GSK3B: variants seen among roughly 807,000 people sequenced by gnomAD.
GSK3B encodes the protein glycogen synthase kinase 3 beta.
In GSK3B, 15 loss-of-function variants were observed where a neutral mutation model predicts 56.4. That is an observed-to-expected ratio of 0.27 (90% confidence interval 0.18 to 0.41). The LOEUF is 0.41. Among genes scored for constraint, GSK3B ranks in the 10% least tolerant of loss-of-function variants. The pLI is 1.00. For missense variants in GSK3B, 300 were observed against 513.4 expected, an observed-to-expected ratio of 0.58 and a Z score of 4.02; for synonymous variants, 181 against 188.9, an observed-to-expected ratio of 0.96 and a Z score of 0.34.
rs890397598 is a variant in GSK3B at position 119,825,703 on chromosome 3, G to A, written c.*1085C>T. On this transcript the variant is annotated 3_prime_UTR_variant, in exon 11 of 11. Coordinates refer to ENST00000264235, the MANE Select transcript of GSK3B (RefSeq NM_001146156.2). ...TTTGGATTTAAAATTAGAACTATGTGTAGAATGTGGCTATTTCTGCAAGCT... is the reference window on the plus strand; with the variant it reads ...TTTGGATTTAAAATTAGAACTATGTATAGAATGTGGCTATTTCTGCAAGCT... 1 of 225,328 alleles carries A rather than the reference G, an allele frequency of 4.4e-6. No individual in the cohort carries two copies. The highest frequency in any genetic ancestry group is 5.7e-5 in the Admixed American group (1 of 17,476). 14.0% of individuals were successfully genotyped at this position (225,328 alleles called of 1,614,324 possible). A position where few individuals can be genotyped will look rare whatever the true frequency, so the allele number is the denominator to read the frequency against.
rs1559796999 is a variant in GSK3B at position 119,825,591 on chromosome 3, T to C, written c.*1197A>G. On this transcript the variant is annotated 3_prime_UTR_variant, in exon 11 of 11. Coordinates refer to ENST00000264235, the MANE Select transcript of GSK3B (RefSeq NM_001146156.2). ...GTGACTGTATCATTCTGATGTGTAG[T>C]TTTTAATATTTCTACCATCTGACAT... 2 of 228,468 alleles carry C rather than the reference T, an allele frequency of 8.8e-6. No individual in the cohort carries two copies. Among genetic ancestry groups the C allele is most frequent in the Non-Finnish European group, 1.7e-5 (2 of 115,284 alleles). 14.2% of individuals were successfully genotyped at this position (228,468 alleles called of 1,614,324 possible).
intron 2 of GSK3B, among the ~76,000 whole-genome samples, chr3:119,994,648 A>G (rs898445399): frequency 3.9e-5 from 6 of 152,208 alleles, no homozygotes; most frequent in Admixed American, 3.9e-4. Context: ...CATTTCAATG[A>G]CATTCTTTCC....
At chr3:119,949,790 T>C (rs1576222672) in intron 2 of GSK3B, among the ~76,000 whole-genome samples, 2 of 95,556 alleles carry the variant, frequency 2.1e-5, no homozygotes. Context: ...CAAGACTCCG[T>C]CTCAAAAAAA....
chr3:119,848,568 C>T (rs1305613985), intron 9 of GSK3B, among the ~76,000 whole-genome samples: 3 of 152,108 alleles, frequency 2.0e-5, no homozygotes, highest in Admixed American at 2.0e-4. Flanking sequence ...AAGGGAAACA[C>T]CAAACTCGCA....
At chr3:120,051,494 C>T (rs1413018818) in intron 1 of GSK3B, among the ~76,000 whole-genome samples, 1 of 152,096 alleles carries the variant, frequency 6.6e-6, no homozygotes, top group Middle Eastern at 3.2e-3. Context: ...GGGTCAGGCG[C>T]GGTGGCTCAC....
At chr3:119,924,145 C>T (rs2056869253) in intron 3 of GSK3B, among the ~76,000 whole-genome samples, 1 of 152,216 alleles carries the variant, frequency 6.6e-6, no homozygotes, top group African/African-American at 2.4e-5. Flanking sequence ...AGGTCCTATG[C>T]TTAAATATCC....
At chr3:119,954,558 T>C (rs1169001642) in intron 2 of GSK3B, among the ~76,000 whole-genome samples, 1 of 152,164 alleles carries the variant, frequency 6.6e-6, no homozygotes, top group Admixed American at 6.5e-5. Flanking sequence ...GACAAAAGAA[T>C]ACATGTAAAC....
intron 3 of GSK3B, among the ~76,000 whole-genome samples, chr3:119,929,153 G>C (rs2056918868): frequency 6.6e-6 from 1 of 152,068 alleles, no homozygotes; most frequent in Non-Finnish European, 1.5e-5. Context: ...AAAAAATGCA[G>C]AGATCAATAT....
intron 1 of GSK3B, among the ~76,000 whole-genome samples, chr3:120,003,424 T>A (rs1049789451): frequency 6.6e-6 from 1 of 152,254 alleles, no homozygotes; most frequent in Admixed American, 6.5e-5. Context: ...AAATGTCTAC[T>A]GTTTCTTCTC....
chr3:120,002,239 C>A lies in GSK3B; in HGVS notation c.89G>T (p.Arg30Ile). Residue 30 changes from arginine to isoleucine, a missense_variant and splice_region_variant, in exon 2 of 11, where the codon AGA becomes ATA. Transcript: ENST00000264235. ...TGTCACCTTGCTGCCGTCCTTGTCT[C>A]CTAAAGGAAGAAAGGAAATTTTTTT... ...PSAFGSMKVS[R>I]DKDGSKVTTV... is the part of the protein sequence containing the mutation. 1 of 1,514,124 alleles carries A rather than the reference C, an allele frequency of 6.6e-7. No homozygotes were observed. The highest frequency in any genetic ancestry group is 8.8e-7 in the Non-Finnish European group (1 of 1,135,128). 93.8% of individuals were successfully genotyped at this position (1,514,124 alleles called of 1,614,324 possible).
At chr3:120,014,689 T>G (rs1033161110) in intron 1 of GSK3B, among the ~76,000 whole-genome samples, 3 of 152,148 alleles carry the variant, frequency 2.0e-5, no homozygotes, top group Non-Finnish European at 4.4e-5. Context: ...CATCTTCACA[T>G]GATTCTAACC....
intron 10 of GSK3B, among the ~76,000 whole-genome samples, chr3:119,831,207 G>C (rs1213476353): frequency 1.3e-5 from 2 of 152,142 alleles, no homozygotes; most frequent in Non-Finnish European, 2.9e-5. Context: ...CAAGGGAGGA[G>C]AATAATCCAT....
At chr3:120,044,827 A>G (rs2058090145) in intron 1 of GSK3B, among the ~76,000 whole-genome samples, 1 of 152,252 alleles carries the variant, frequency 6.6e-6, no homozygotes, top group Non-Finnish European at 1.5e-5. Flanking sequence ...AGTTTGTATT[A>G]TAATGAAAAC....
chr3:119,854,872 T>G (rs2055994060), intron 9 of GSK3B, among the ~76,000 whole-genome samples: 1 of 152,216 alleles, frequency 6.6e-6, no homozygotes. Context: ...AAAAACCAGC[T>G]CCTGGATTCA....
chr3:120,014,122 G>C (rs2057803633), intron 1 of GSK3B, among the ~76,000 whole-genome samples: 1 of 138,060 alleles, frequency 7.2e-6, no homozygotes, highest in African/African-American at 2.8e-5. Flanking sequence ...GAGACAGAGT[G>C]AGACTCTGTC....
chr3:120,020,013 AACTTTTAGAATGCAAT>A (rs1228764027), intron 1 of GSK3B, among the ~76,000 whole-genome samples: 2 of 152,244 alleles, frequency 1.3e-5, no homozygotes, highest in African/African-American at 4.8e-5. Context: ...ATAGTTTATG[AACTTTTAGAATGCAAT>A]CTGTTTATCA....
intron 1 of GSK3B, among the ~76,000 whole-genome samples, chr3:120,069,610 G>A (rs1365090912): frequency 3.3e-5 from 5 of 150,964 alleles, no homozygotes; most frequent in South Asian, 2.1e-4. Flanking sequence ...AATACCTAAC[G>A]GTCAATACAA....
At position 119,926,467 on chromosome 3, in the gene GSK3B, G is replaced by A. The variant is rs543455655; in HGVS notation, c.367-2984C>T. On this transcript the variant is annotated intron_variant, in intron 3 of 10. Transcript: ENST00000264235. ...CATCATCTTCACTGGTAGAACCCTCGTCCAAGCTACTATCACCTTTCACGT... is the reference window on the plus strand; with the variant it reads ...CATCATCTTCACTGGTAGAACCCTCATCCAAGCTACTATCACCTTTCACGT... Among the ~76,000 whole-genome samples the A allele has an allele frequency of 3.3e-5, 5 of 152,040 alleles. No homozygotes were observed. The East Asian group carries it at 5.8e-4, about 18-fold the overall frequency.
chr3:119,950,040 AC>A (rs2057141579), intron 2 of GSK3B, among the ~76,000 whole-genome samples: 1 of 152,162 alleles, frequency 6.6e-6, no homozygotes, highest in Non-Finnish European at 1.5e-5. Context: ...GATATCACCT[AC>A]GGAAGAAGTT....
Sources: gnomAD v4.1 joint callset for allele counts (sites outside exome capture counted in the v4.1 genomes callset) on GRCh38, gnomAD v4.1.1 for gene constraint, MANE v1.5 for transcripts, NCBI Gene and HGNC (gene_info 2026-07-23, HGNC 2026-07-21) for gene names.